DENND1B: variants seen among roughly 807,000 people sequenced by gnomAD.
DENND1B encodes the protein DENN domain containing 1B.
A neutral mutation model predicts 90.1 loss-of-function variants in DENND1B; 59 were observed. The ratio of observed to expected loss-of-function variants is 0.65; its 90% CI spans 0.53 to 0.81. The LOEUF (loss-of-function observed/expected upper bound fraction) is 0.81. DENND1B is among the 40% of genes least tolerant of loss of function. DENND1B has a pLI of 0.00. For missense variants in DENND1B, 862 were observed against 912.6 expected (o/e 0.94, Z 0.71); for synonymous variants, 337 against 324.6 (o/e 1.04, Z -0.41).
chr1:197,781,705 T>C, the DENND1B span, among the ~76,000 whole-genome samples: 3 of 152,330 alleles, frequency 2.0e-5, no homozygotes, highest in South Asian at 4.1e-4. Flanking sequence ...TCAAAGCTCA[T>C]AGAGTTAGCA....
intron 1 of DENND1B, among the ~76,000 whole-genome samples, chr1:197,773,475 T>C (rs911385002): frequency 6.6e-5 from 10 of 152,242 alleles, no homozygotes; most frequent in Non-Finnish European, 4.4e-5. Flanking sequence ...TCCATGAATG[T>C]GATACGTTGC....
At chr1:197,630,938 T>C (rs1236606613) in intron 10 of DENND1B, among the ~76,000 whole-genome samples, 1 of 152,148 alleles carries the variant, frequency 6.6e-6, no homozygotes, top group Non-Finnish European at 1.5e-5. Flanking sequence ...ACTCACCTCG[T>C]CACAACTCTT....
chr1:197,686,338 TAA>T (rs751583466), intron 3 of DENND1B, among the ~76,000 whole-genome samples: 1 of 152,180 alleles, frequency 6.6e-6, no homozygotes, highest in Non-Finnish European at 1.5e-5. Context: ...GTAAATTCTG[TAA>T]AGTTAGACTT....
At chr1:197,667,996 A>G (rs764585114) in intron 5 of DENND1B, among the ~76,000 whole-genome samples, 2 of 152,194 alleles carry the variant, frequency 1.3e-5, no homozygotes, top group South Asian at 2.1e-4. Flanking sequence ...AATTCAGGGT[A>G]TATCCTTTTA....
chr1:197,693,739 A>T (rs1006399888), intron 3 of DENND1B, among the ~76,000 whole-genome samples: 10 of 151,272 alleles, frequency 6.6e-5, no homozygotes. Context: ...CTTTTCTTTG[A>T]GCTCCATTCT....
chr1:197,630,115 G>A (rs1679195134), intron 10 of DENND1B, among the ~76,000 whole-genome samples: 1 of 152,068 alleles, frequency 6.6e-6, no homozygotes, highest in Admixed American at 6.6e-5. Flanking sequence ...AAATGGTACA[G>A]CCACTCTGGA....
chr1:197,666,265 G>A (rs1311382916), intron 5 of DENND1B, among the ~76,000 whole-genome samples: 1 of 152,122 alleles, frequency 6.6e-6, no homozygotes, highest in African/African-American at 2.4e-5. Context: ...TTCAATTTAT[G>A]AACTGCTTTA....
At chr1:197,639,110 C>G (rs763685510) in intron 10 of DENND1B, among the ~76,000 whole-genome samples, 9 of 151,076 alleles carry the variant, frequency 6.0e-5, no homozygotes, top group Non-Finnish European at 1.2e-4. Context: ...GTCACCCAGG[C>G]TGGAGTGCAA....
intron 14 of DENND1B, among the ~76,000 whole-genome samples, chr1:197,588,396 T>C (rs531193386): frequency 2.0e-5 from 3 of 152,190 alleles, no homozygotes; most frequent in East Asian, 3.8e-4. Context: ...ACTTAAAACA[T>C]AGATTAGATC....
chr1:197,536,268 A>G (rs1035344307), intron 20 of DENND1B, among the ~76,000 whole-genome samples: 5 of 152,204 alleles, frequency 3.3e-5, no homozygotes, highest in Admixed American at 1.3e-4. Context: ...TCCTACCGGA[A>G]GCCTAGATAT....
intron 10 of DENND1B, among the ~76,000 whole-genome samples, chr1:197,638,271 C>T (rs1414683581): frequency 2.6e-5 from 4 of 152,194 alleles, no homozygotes; most frequent in African/African-American, 9.7e-5. Context: ...ACATGCACTA[C>T]ACAATCAAAT....
At chr1:197,578,637 ATGTG>A (rs1436621842) in intron 15 of DENND1B, among the ~76,000 whole-genome samples, 3 of 152,210 alleles carry the variant, frequency 2.0e-5, no homozygotes, top group Non-Finnish European at 4.4e-5. Context: ...TACAATGTGT[ATGTG>A]TGTATCAAAA....
At chr1:197,739,108 C>G (rs1346713107) in intron 2 of DENND1B, among the ~76,000 whole-genome samples, 2 of 152,172 alleles carry the variant, frequency 1.3e-5, no homozygotes, top group Non-Finnish European at 2.9e-5. Flanking sequence ...GAAAGAATCA[C>G]CCAAAAGAAA....
chr1:197,568,219 C>T (rs1672855807), intron 15 of DENND1B, among the ~76,000 whole-genome samples: 1 of 151,596 alleles, frequency 6.6e-6, no homozygotes, highest in Admixed American at 6.6e-5. Flanking sequence ...TAATAACTAT[C>T]CAAAAAGAAA....
intron 2 of DENND1B, among the ~76,000 whole-genome samples, chr1:197,744,518 T>C (rs1199506318): frequency 6.6e-6 from 1 of 152,166 alleles, no homozygotes; most frequent in African/African-American, 2.4e-5. Flanking sequence ...TTCTAAGCAG[T>C]AGGTCTTAAC....
At chr1:197,733,108 CACA>C (rs1662302991) in intron 2 of DENND1B, among the ~76,000 whole-genome samples, 1 of 152,092 alleles carries the variant, frequency 6.6e-6, no homozygotes. Context: ...TTTGTACTCA[CACA>C]ACAAGAAAAT....
upstream of DENND1B, among the ~76,000 whole-genome samples, chr1:197,780,593 G>A (rs1322128875): frequency 6.6e-6 from 1 of 151,980 alleles, no homozygotes; most frequent in African/African-American, 2.4e-5. Flanking sequence ...CAAAGTGCTG[G>A]GATTACAGAG....
In DENND1B at chr1:197,770,611, T is replaced by C. The variant is rs569553192; in HGVS notation, c.82+2257A>G. ...CCTGTTGTGTGTGTGTGTGTGTATA[T>C]ATATCTATAAATATATATAAAAATA... On this transcript the variant is annotated intron_variant, in intron 2 of 22. Transcript: ENST00000620048. 1.3e-4 allele frequency among the ~76,000 whole-genome samples: 19 copies of C among 141,906 alleles called. No homozygotes were observed. The East Asian group carries it at 3.4e-3, about 26-fold the overall frequency. 93.1% of individuals were successfully genotyped at this position (141,906 alleles called of 152,430 possible).
intron 5 of DENND1B, among the ~76,000 whole-genome samples, chr1:197,659,529 C>T (rs913099827): frequency 6.6e-6 from 1 of 151,770 alleles, no homozygotes; most frequent in Admixed American, 6.6e-5. Context: ...AACATATTGA[C>T]TGTATGTAAT....
Sources: allele counts gnomAD v4.1 joint callset (sites outside exome capture counted in the v4.1 genomes callset), GRCh38; gene constraint gnomAD v4.1.1; transcripts MANE v1.5; gene names NCBI Gene and HGNC (gene_info 2026-07-23, HGNC 2026-07-21).